Variants in PATJ observed in about 807,000 individuals in gnomAD.
PATJ encodes inaD-like protein.
A neutral mutation model predicts 224.9 loss-of-function variants in PATJ; 190 were observed. The observed-to-expected ratio is 0.84, with a 90% CI of 0.75 to 0.95. PATJ has a LOEUF of 0.95. Ranked by LOEUF, PATJ falls within the 40% of genes least tolerant of loss-of-function variation. The pLI is 0.00. For synonymous variants in PATJ, 769 were observed against 820.3 expected (o/e 0.94, Z 1.07); for missense variants, 2,121 against 2,270.3 (o/e 0.93, Z 1.34).
chr1:61,987,665 T>C (rs1053756023), intron 27 of PATJ, among the ~76,000 whole-genome samples: 1 of 152,206 alleles, frequency 6.6e-6, no homozygotes, highest in Admixed American at 6.5e-5. Context: ...GTAAACAGCC[T>C]ATCAATTAAC....
intron 17 of PATJ, among the ~76,000 whole-genome samples, chr1:61,843,922 G>A (rs1570845029): frequency 6.6e-6 from 1 of 152,068 alleles, no homozygotes; most frequent in African/African-American, 2.4e-5. Context: ...AAATGAAAAG[G>A]TATACTCCTA....
chr1:62,143,438 ATTTTTTTTTTTTTTT>A (rs34127211), intron 41 of PATJ, among the ~76,000 whole-genome samples: 2 of 74,310 alleles, frequency 2.7e-5, no homozygotes, highest in Non-Finnish European at 4.7e-5. Flanking sequence ...TAAGCTGGGA[ATTTTTTTTTTTTTTT>A]TTTTTTTTTT....
At position 61,977,023 on chromosome 1, in the gene PATJ, A is replaced by G. The variant is rs1405313063; in HGVS notation, c.3671-13145A>G. On this transcript the variant is annotated intron_variant, in intron 27 of 43. Coordinates refer to ENST00000642238, the MANE Select transcript of PATJ (RefSeq NM_001350145.3). ...AATTAAATTTATTGTCTCAAAAAAT[A>G]TTCTTACAATTGGCTTGTTCAAATC... Among the ~76,000 whole-genome samples the G allele has an allele frequency of 1.3e-5, 2 of 152,100 alleles. 1 individual carries two copies. Among genetic ancestry groups the G allele is most frequent in the African/African-American group, 4.8e-5 (2 of 41,332 alleles).
chr1:61,926,613 C>A (rs577880633), intron 26 of PATJ, among the ~76,000 whole-genome samples: 2 of 152,194 alleles, frequency 1.3e-5, no homozygotes, highest in Non-Finnish European at 2.9e-5. Context: ...CTGTATTCTC[C>A]TATTGCCTAA....
intron 24 of PATJ, among the ~76,000 whole-genome samples, chr1:61,907,139 T>A (rs1400438015): frequency 6.6e-6 from 1 of 152,188 alleles, no homozygotes; most frequent in African/African-American, 2.4e-5. Flanking sequence ...GTAAGTTTCC[T>A]GAGGCCGCCC....
intron 29 of PATJ, among the ~76,000 whole-genome samples, chr1:62,023,418 C>T (rs992192010): frequency 1.3e-5 from 2 of 151,994 alleles, no homozygotes; most frequent in African/African-American, 4.8e-5. Context: ...ATTTTTTTAA[C>T]AGGTGTTTAC....
chr1:62,054,320 G>T, intron 31 of PATJ: 1 of 431,662 alleles, frequency 2.3e-6, no homozygotes, highest in South Asian at 1.7e-5. Context: ...CTGTGATTGT[G>T]CCACTGCACT....
At chr1:61,938,192 C>T (rs1022429165) in intron 27 of PATJ, among the ~76,000 whole-genome samples, 2 of 152,180 alleles carry the variant, frequency 1.3e-5, no homozygotes, top group African/African-American at 4.8e-5. Flanking sequence ...CAACCAAAAA[C>T]GTTTCTGCAC....
intron 36 of PATJ, 39 bp downstream of exon 36, chr1:62,116,718 T>A (rs1210916690): frequency 6.3e-7 from 1 of 1,579,230 alleles, no homozygotes; most frequent in African/African-American, 1.4e-5. Context: ...CTGGCACAAC[T>A]GAAGTCCAGT....
At chr1:62,061,669 T>C (rs1655462652) in intron 31 of PATJ, among the ~76,000 whole-genome samples, 1 of 151,492 alleles carries the variant, frequency 6.6e-6, no homozygotes, top group East Asian at 1.9e-4. Context: ...CCACATTTAC[T>C]TTTTTTTTGA....
chr1:62,120,269 A>T (rs1349842967), intron 37 of PATJ, among the ~76,000 whole-genome samples: 1 of 152,212 alleles, frequency 6.6e-6, no homozygotes, highest in Non-Finnish European at 1.5e-5. Flanking sequence ...ATGGATGTCT[A>T]TTGTATAATT....
intron 31 of PATJ, among the ~76,000 whole-genome samples, chr1:62,056,500 C>G (rs547064821): frequency 1.3e-5 from 2 of 152,174 alleles, no homozygotes; most frequent in East Asian, 3.9e-4. Context: ...TGCACCCCAG[C>G]CTGGGTGACA....
chr1:61,973,238 T>C (rs17122871), intron 27 of PATJ, among the ~76,000 whole-genome samples: 35,969 of 151,620 alleles, frequency 0.24, 4,833 homozygotes, highest in African/African-American at 0.34. Context: ...GACAAGAGAG[T>C]GGGGCTGCGA....
intron 27 of PATJ, among the ~76,000 whole-genome samples, chr1:61,928,061 T>A (rs1385006242): frequency 6.6e-6 from 1 of 152,226 alleles, no homozygotes; most frequent in Non-Finnish European, 1.5e-5. Context: ...CTATTTTTCC[T>A]ATATTCCCTT....
At chr1:61,855,836 A>T (rs1164303535) in intron 17 of PATJ, among the ~76,000 whole-genome samples, 194 bp from the exon 18 acceptor site, 1 of 152,180 alleles carries the variant, frequency 6.6e-6, no homozygotes, top group Non-Finnish European at 1.5e-5. Context: ...CTGGAATTAT[A>T]CAGAGGTGTA....
intron 18 of PATJ, 121 bp downstream of exon 18, chr1:61,856,360 C>T: frequency 4.1e-6 from 3 of 734,884 alleles, no homozygotes; most frequent in South Asian, 1.8e-5. Flanking sequence ...TGTGTGTGAC[C>T]TTGGGCAGGT....
chr1:62,082,656 G>T (rs1659429387), intron 32 of PATJ, among the ~76,000 whole-genome samples: 2 of 152,208 alleles, frequency 1.3e-5, no homozygotes, highest in South Asian at 4.1e-4. Context: ...CCCTGCCATT[G>T]TAGTATGCTA....
At chr1:61,879,644 G>C (rs1361653587) in intron 21 of PATJ, among the ~76,000 whole-genome samples, 1 of 151,584 alleles carries the variant, frequency 6.6e-6, no homozygotes, top group African/African-American at 2.4e-5. Context: ...GCTACTTCTG[G>C]GTCCCATTCT....
intron 31 of PATJ, among the ~76,000 whole-genome samples, chr1:62,065,928 A>G (rs1656334178): frequency 6.6e-6 from 1 of 152,204 alleles, no homozygotes. Flanking sequence ...TGAGTCTATG[A>G]AGTTTTCGGT....
Sources: gnomAD v4.1 joint callset for allele counts (sites outside exome capture counted in the v4.1 genomes callset) on GRCh38, gnomAD v4.1.1 for gene constraint, MANE v1.5 for transcripts, NCBI Gene and HGNC (gene_info 2026-07-23, HGNC 2026-07-21) for gene names.